The following TTC23 variants were observed in gnomAD, a reference collection of about 807,000 sequenced individuals.
TTC23 encodes tetratricopeptide repeat domain 23, also known as tetratricopeptide repeat protein 23.
TTC23 carries 58 observed loss-of-function variants against 55.1 expected under a neutral mutation model. The ratio of observed to expected loss-of-function variants is 1.05; its 90% confidence interval spans 0.85 to 1.31. The LOEUF (loss-of-function observed/expected upper bound fraction) is 1.31. Among genes scored for constraint, TTC23 ranks in the 50% most tolerant of loss-of-function variants. The pLI is 0.00. For synonymous variants in TTC23, 203 were observed against 199.9 expected, an observed-to-expected ratio of 1.02 and a Z score of -0.13; for missense variants, 516 against 534.4, an observed-to-expected ratio of 0.97 and a Z score of 0.34.
At chr15:99,224,167 C>T (rs1425156104) in intron 5 of TTC23, among the ~76,000 whole-genome samples, 2 of 152,174 alleles carry the variant, frequency 1.3e-5, no homozygotes, top group Non-Finnish European at 2.9e-5. Context: ...AATACATGCT[C>T]ACCATAAAGT....
At chr15:99,234,516 G>A (rs893627747) in intron 4 of TTC23, among the ~76,000 whole-genome samples, 4 of 152,184 alleles carry the variant, frequency 2.6e-5, no homozygotes, top group South Asian at 2.1e-4. Flanking sequence ...GACTACAGGT[G>A]CCCGCCACCA....
intron 6 of TTC23, 103 bp downstream of exon 6, chr15:99,221,638 A>G: frequency 7.0e-7 from 1 of 1,426,156 alleles, no homozygotes; most frequent in Non-Finnish European, 9.5e-7. Context: ...TTTAGAAAGG[A>G]GAATATTAAA....
At chr15:99,190,005 C>T (rs2075089579) in intron 9 of TTC23, among the ~76,000 whole-genome samples, 2 of 151,864 alleles carry the variant, frequency 1.3e-5, no homozygotes, top group Admixed American at 1.3e-4. Context: ...GGCAAAACCC[C>T]GTCTCTACAA....
chr15:99,160,229 A>AGG (rs963124541), intron 11 of TTC23: 5 of 138,636 alleles, frequency 3.6e-5, no homozygotes, highest in Admixed American at 2.2e-4. Context: ...GCGGGGGTGG[A>AGG]GGGGGGATTA....
chr15:99,232,478 CAAAAA>C (rs770961662), intron 4 of TTC23, among the ~76,000 whole-genome samples: 2 of 98,564 alleles, frequency 2.0e-5, no homozygotes, highest in Admixed American at 2.2e-4. Flanking sequence ...GACTCCATCT[CAAAAA>C]AAAAAAAAAT....
At chr15:99,217,951 C>T (rs71403435) in intron 8 of TTC23, among the ~76,000 whole-genome samples, 1 of 152,234 alleles carries the variant, frequency 6.6e-6, no homozygotes, top group Non-Finnish European at 1.5e-5. Context: ...GATACTCTGC[C>T]TCTTCCAACA....
intron 8 of TTC23, among the ~76,000 whole-genome samples, chr15:99,209,469 C>A (rs532864810): frequency 2.6e-5 from 4 of 152,242 alleles, no homozygotes; most frequent in Admixed American, 2.0e-4. Flanking sequence ...GTAATGTGTG[C>A]CATGGTCAGG....
In TTC23 at chr15:99,138,071, C is replaced by T. The variant is rs1555488063; in HGVS notation, c.1283G>A (p.Cys428Tyr). Residue 428 changes from cysteine (C) to tyrosine (Y), a missense_variant, in exon 14 of 14, where the codon TGC becomes TAC. Transcript: ENST00000394132. ...RQASKAKVAF[C>Y]TSIPQDTLLG... ...CAGGGTGTCCTGAGGGATGCTGGTG[C>T]AGAAGGCCACTTTGGCTTTTGATGC... 1 of 1,613,836 alleles carries T rather than the reference C, an allele frequency of 6.2e-7. No homozygotes were observed.
At chr15:99,235,419 A>G (rs2079240080) in intron 3 of TTC23, among the ~76,000 whole-genome samples, 3 of 147,464 alleles carry the variant, frequency 2.0e-5, no homozygotes, top group Non-Finnish European at 3.0e-5. Flanking sequence ...TCGCCAGGCT[A>G]AAGTGCAGTG....
At chr15:99,227,801 C>T (rs1200832615) in intron 5 of TTC23, among the ~76,000 whole-genome samples, 1 of 152,216 alleles carries the variant, frequency 6.6e-6, no homozygotes, top group Non-Finnish European at 1.5e-5. Flanking sequence ...TCCTCTTCCT[C>T]ACCTGTCCAA....
chr15:99,245,820 CTT>C (rs57795170), intron 1 of TTC23, among the ~76,000 whole-genome samples: 5 of 141,028 alleles, frequency 3.5e-5, no homozygotes, highest in Admixed American at 7.1e-5. Context: ...TCTTCATGAA[CTT>C]TTTTTTTTTT....
At chr15:99,204,415 T>C (rs935376879) in intron 8 of TTC23, among the ~76,000 whole-genome samples, 1 of 152,110 alleles carries the variant, frequency 6.6e-6, no homozygotes, top group East Asian at 1.9e-4. Flanking sequence ...TTGCAAATAT[T>C]TTCACACATT....
chr15:99,188,488 T>C (rs1383416774), intron 9 of TTC23, among the ~76,000 whole-genome samples: 1 of 152,020 alleles, frequency 6.6e-6, no homozygotes, highest in Non-Finnish European at 1.5e-5. Flanking sequence ...ACAAATTTTC[T>C]CAAAAAACGC....
At chr15:99,250,990 C>A (rs772532655), upstream of TTC23, among the ~76,000 whole-genome samples, 1 of 152,284 alleles carries the variant, frequency 6.6e-6, no homozygotes, top group East Asian at 1.9e-4. Flanking sequence ...AAGGGTTCAA[C>A]GAGATAATCT....
intron 8 of TTC23, among the ~76,000 whole-genome samples, chr15:99,202,898 T>C (rs1187376202): frequency 6.6e-6 from 1 of 152,224 alleles, no homozygotes; most frequent in Non-Finnish European, 1.5e-5. Context: ...GTTGTGAGAA[T>C]TGAATAAGAT....
chr15:99,221,664 A>C (rs2077939155), intron 6 of TTC23, 77 bp downstream of exon 6: 9 of 1,580,638 alleles, frequency 5.7e-6, no homozygotes, highest in African/African-American at 4.0e-5. Flanking sequence ...TGATCCTTCT[A>C]ATTAAGTGTG....
intron 12 of TTC23, among the ~76,000 whole-genome samples, chr15:99,143,551 A>G (rs2068487126): frequency 6.6e-6 from 1 of 152,222 alleles, no homozygotes. Context: ...GTAATCAGCC[A>G]CTAAGGGGTG....
chr15:99,240,203 T>C (rs2079652931), intron 3 of TTC23, among the ~76,000 whole-genome samples: 1 of 152,234 alleles, frequency 6.6e-6, no homozygotes, highest in Non-Finnish European at 1.5e-5. Flanking sequence ...ATGAAATAAG[T>C]AAGAGGCCCT....
At chr15:99,203,607 C>T (rs2076369668) in intron 8 of TTC23, among the ~76,000 whole-genome samples, 1 of 152,038 alleles carries the variant, frequency 6.6e-6, no homozygotes, top group South Asian at 2.1e-4. Context: ...AATAGTTTTC[C>T]CCTCTTCATC....
Sources: allele counts gnomAD v4.1 joint callset (sites outside exome capture counted in the v4.1 genomes callset), GRCh38; gene constraint gnomAD v4.1.1; transcripts MANE v1.5; gene names NCBI Gene and HGNC (gene_info 2026-07-23, HGNC 2026-07-21).